The following FABP12 variants were observed in gnomAD, a reference collection of about 807,000 sequenced individuals.
The protein encoded by FABP12 is fatty acid-binding protein 12.
A neutral mutation model predicts 13.7 loss-of-function variants in FABP12; 19 were observed. The observed-to-expected ratio is 1.39, with a 90% confidence interval of 0.97 to 2.04. The LOEUF (loss-of-function observed/expected upper bound fraction) is 2.04, where lower values mean the gene tolerates loss of function less well. FABP12 is among the 30% of genes most tolerant of loss of function. The probability of loss-of-function intolerance (pLI) is 0.00; values close to 1 mark genes in which losing one functional copy is unlikely to be tolerated. For missense variants in FABP12, 182 were observed against 164.2 expected, an observed-to-expected ratio of 1.11 and a Z score of -0.59; for synonymous variants, 61 against 57.0, an observed-to-expected ratio of 1.07 and a Z score of -0.32.
At chr8:81,565,009 G>A (rs991797151) in intron 1 of FABP12, among the ~76,000 whole-genome samples, 1 of 151,542 alleles carries the variant, frequency 6.6e-6, no homozygotes, top group African/African-American at 2.4e-5. Flanking sequence ...CATACCAATG[G>A]AAACCAAAAC....
intron 1 of FABP12, among the ~76,000 whole-genome samples, chr8:81,589,050 G>A (rs979294113): frequency 1.3e-5 from 2 of 152,136 alleles, no homozygotes; most frequent in African/African-American, 4.8e-5. Context: ...GGTTGCATAA[G>A]TAGGGATATA....
chr8:81,584,588 CCA>C (rs887744675), intron 1 of FABP12, among the ~76,000 whole-genome samples: 124 of 760 alleles, frequency 0.16, no homozygotes, highest in African/African-American at 0.26. Context: ...CCACCCTGAC[CCA>C]ATCCCCTGTG....
At position 81,566,827 on chromosome 8, in the gene FABP12, A is replaced by G. The variant is rs530529570; in HGVS notation, c.-185+23226T>C. ...TAGCTAGAGCAATCAGACGGGAGAA[A>G]GAAATAAAGGCATACAAATTGGAAA... On this transcript the variant is annotated intron_variant, in intron 1 of 5. Coordinates refer to the FABP12 transcript ENST00000692030. Among the ~76,000 whole-genome samples, 3 of 152,292 alleles carry G rather than the reference A, an allele frequency of 2.0e-5. No homozygotes were observed. The East Asian group carries it at 5.8e-4, about 29-fold the overall frequency.
Position 81,549,116 on chromosome 8 carries a change from G to C in FABP12, c.-184-9373C>G, listed in dbSNP as rs1809484012. 3.3e-5 allele frequency among the ~76,000 whole-genome samples: 5 copies of C among 151,922 alleles called. No homozygotes were observed. In the South Asian group the frequency reaches 1.0e-3, roughly 32 times the overall value. ...GGACTCAGACTACAATTCTTTCCTG[G>C]GTCTCCAGTGCCAGCTTCACCTGAA... On this transcript the variant is annotated intron_variant, in intron 1 of 5. Coordinates refer to the FABP12 transcript ENST00000692030.
intron 1 of FABP12, among the ~76,000 whole-genome samples, chr8:81,543,828 T>C (rs535527850): frequency 1.0e-3 from 152 of 151,978 alleles, no homozygotes; most frequent in South Asian, 3.7e-3. Context: ...GGATTAAGAG[T>C]TCATATCAGA....
At chr8:81,538,120 G>T (rs1485822306), upstream of FABP12, among the ~76,000 whole-genome samples, 2 of 152,066 alleles carry the variant, frequency 1.3e-5, no homozygotes, top group Non-Finnish European at 2.9e-5. Context: ...AGATCGGGAG[G>T]TGCCATGCTC....
chr8:81,562,340 T>C (rs1475717340), intron 1 of FABP12, among the ~76,000 whole-genome samples: 1 of 152,192 alleles, frequency 6.6e-6, no homozygotes, highest in African/African-American at 2.4e-5. Context: ...ACCCAGTCTT[T>C]TCCCACCTTG....
chr8:81,587,431 C>A (rs147255569), intron 1 of FABP12, among the ~76,000 whole-genome samples: 2,916 of 152,134 alleles, frequency 0.019, 64 homozygotes, highest in African/African-American at 0.056. Context: ...GAGCATGGAA[C>A]GTTTTTCCAT....
chr8:81,583,915 T>C (rs139830014), intron 1 of FABP12, among the ~76,000 whole-genome samples: 245 of 152,220 alleles, frequency 1.6e-3, no homozygotes, highest in Middle Eastern at 0.01. Context: ...CTAATATCAC[T>C]GATGAATGTA....
intron 1 of FABP12, among the ~76,000 whole-genome samples, chr8:81,579,303 G>A (rs1187895485): frequency 3.3e-5 from 5 of 151,610 alleles, no homozygotes; most frequent in Admixed American, 6.6e-5. Flanking sequence ...AGATTTCTCC[G>A]ACAGCAATGA....
chr8:81,576,077 T>C (rs1366027625), intron 1 of FABP12, among the ~76,000 whole-genome samples: 1 of 152,210 alleles, frequency 6.6e-6, no homozygotes, highest in East Asian at 1.9e-4. Flanking sequence ...AAAATGATAA[T>C]TTTCAATCAA....
At chr8:81,552,605 G>A (rs1054388743) in intron 1 of FABP12, among the ~76,000 whole-genome samples, 55 of 152,158 alleles carry the variant, frequency 3.6e-4, no homozygotes, top group African/African-American at 1.2e-3. Flanking sequence ...ATGAGGTAAA[G>A]AACACTGGAT....
chr8:81,544,159 G>C (rs756532331), intron 1 of FABP12, among the ~76,000 whole-genome samples: 2 of 152,164 alleles, frequency 1.3e-5, no homozygotes, highest in Non-Finnish European at 2.9e-5. Context: ...GGAGGCAACT[G>C]AAAAGGGAGG....
intron 1 of FABP12, among the ~76,000 whole-genome samples, chr8:81,582,648 A>T (rs1810184174): frequency 6.6e-6 from 1 of 152,184 alleles, no homozygotes; most frequent in Non-Finnish European, 1.5e-5. Flanking sequence ...CATTTCAGCA[A>T]GAGGTTATGA....
intron 1 of FABP12, among the ~76,000 whole-genome samples, chr8:81,579,926 T>C (rs1436668694): frequency 1.3e-5 from 2 of 152,232 alleles, no homozygotes; most frequent in South Asian, 2.1e-4. Context: ...TGGGTTCTTA[T>C]GAGCTATTTT....
chr8:81,546,800 G>C (rs1391654222), intron 1 of FABP12, among the ~76,000 whole-genome samples: 1 of 152,038 alleles, frequency 6.6e-6, no homozygotes, highest in East Asian at 1.9e-4. Context: ...GGTAACCCTT[G>C]CATATTTTGT....
chr8:81,538,114 C>T (rs987538870), upstream of FABP12, among the ~76,000 whole-genome samples: 15 of 152,176 alleles, frequency 9.9e-5, no homozygotes, highest in East Asian at 9.7e-4. Flanking sequence ...GGACAGAGAT[C>T]GGGAGGTGCC....
At chr8:81,579,895 C>T (rs905651227) in intron 1 of FABP12, among the ~76,000 whole-genome samples, 1 of 151,484 alleles carries the variant, frequency 6.6e-6, no homozygotes, top group South Asian at 2.1e-4. Flanking sequence ...TCTTTTTTAC[C>T]TAATGAAAAA....
intron 1 of FABP12, among the ~76,000 whole-genome samples, chr8:81,541,982 A>G (rs1358805032): frequency 6.6e-6 from 1 of 150,384 alleles, no homozygotes; most frequent in African/African-American, 2.4e-5. Flanking sequence ...CCTAGAGGTA[A>G]TGTCTAGGAG....
Sources: gnomAD v4.1 joint callset for allele counts (sites outside exome capture counted in the v4.1 genomes callset) on GRCh38, gnomAD v4.1.1 for gene constraint, MANE v1.5 for transcripts, NCBI Gene and HGNC (gene_info 2026-07-23, HGNC 2026-07-21) for gene names.